The following NPAS3 variants were observed in gnomAD, a reference collection of about 807,000 sequenced individuals.
NPAS3 encodes the protein neuronal PAS domain protein 3.
In NPAS3, 14 loss-of-function variants were observed where a neutral mutation model predicts 73.1. That is an observed-to-expected ratio of 0.19 (90% confidence interval 0.13 to 0.30). The LOEUF (loss-of-function observed/expected upper bound fraction) is 0.30, where lower values mean the gene tolerates loss of function less well. Among genes scored for constraint, NPAS3 ranks in the 10% least tolerant of loss-of-function variants. The pLI is 1.00. For synonymous variants in NPAS3, 620 were observed against 541.5 expected (o/e 1.14, Z -2.01); for missense variants, 1,096 against 1,250.0 (o/e 0.88, Z 1.86).
chr14:33,539,348 G>A (rs1180279924), intron 4 of NPAS3, among the ~76,000 whole-genome samples: 2 of 152,068 alleles, frequency 1.3e-5, no homozygotes, highest in Non-Finnish European at 2.9e-5. Context: ...AGAGGGAGGT[G>A]ATGTGGTCTC....
intron 6 of NPAS3, among the ~76,000 whole-genome samples, chr14:33,691,831 A>T (rs901475700): frequency 2.6e-5 from 4 of 152,114 alleles, no homozygotes; most frequent in Admixed American, 6.5e-5. Context: ...GGGCTTTAAA[A>T]TTTTTTTAAA....
At chr14:33,099,490 T>G (rs1206167566) in intron 2 of NPAS3, among the ~76,000 whole-genome samples, 1 of 152,120 alleles carries the variant, frequency 6.6e-6, no homozygotes, top group African/African-American at 2.4e-5. Flanking sequence ...AAAAAAAATG[T>G]AGTTTGAATG....
At chr14:33,796,879 G>C (rs74044750) in intron 10 of NPAS3, among the ~76,000 whole-genome samples, 1 of 152,156 alleles carries the variant, frequency 6.6e-6, no homozygotes, top group Non-Finnish European at 1.5e-5. Flanking sequence ...TACACCACAC[G>C]AGCAGATGAA....
intron 6 of NPAS3, among the ~76,000 whole-genome samples, chr14:33,725,317 A>G (rs1778516815): frequency 6.6e-6 from 1 of 152,110 alleles, no homozygotes; most frequent in Non-Finnish European, 1.5e-5. Context: ...ACCACATAGT[A>G]AGCTATGACT....
intron 5 of NPAS3, among the ~76,000 whole-genome samples, chr14:33,590,509 T>C (rs960640166): frequency 6.6e-6 from 1 of 152,120 alleles, no homozygotes; most frequent in South Asian, 2.1e-4. Flanking sequence ...AGAAGGATAA[T>C]AAAGGTGTCA....
chr14:33,118,135 T>C (rs1260094623), intron 2 of NPAS3, among the ~76,000 whole-genome samples: 2 of 151,994 alleles, frequency 1.3e-5, no homozygotes, highest in Non-Finnish European at 2.9e-5. Context: ...TGTCTTTTTT[T>C]CCTCTCTCTC....
intron 2 of NPAS3, among the ~76,000 whole-genome samples, chr14:33,088,250 C>T (rs1244242835): frequency 6.6e-6 from 1 of 151,216 alleles, no homozygotes; most frequent in Non-Finnish European, 1.5e-5. Context: ...ATCACCTCAC[C>T]CAGGAAGTGC....
intron 9 of NPAS3, among the ~76,000 whole-genome samples, chr14:33,790,274 T>C (rs1305694566): frequency 6.6e-6 from 1 of 152,232 alleles, no homozygotes; most frequent in Non-Finnish European, 1.5e-5. Context: ...GCAAAAGGAA[T>C]TTTATGAAAT....
At chr14:33,450,773 T>G (rs879125949) in intron 4 of NPAS3, among the ~76,000 whole-genome samples, 1 of 152,234 alleles carries the variant, frequency 6.6e-6, no homozygotes, top group Admixed American at 6.5e-5. Flanking sequence ...CTCGACTCTC[T>G]TCATCTATTG....
At chr14:33,324,819 A>G (rs1019154291) in intron 3 of NPAS3, among the ~76,000 whole-genome samples, 10 of 152,126 alleles carry the variant, frequency 6.6e-5, no homozygotes, top group Non-Finnish European at 1.5e-4. Context: ...CATCGTATTT[A>G]GAGTAATGAT....
chr14:33,278,504 TA>T (rs3058293), intron 3 of NPAS3, among the ~76,000 whole-genome samples: 193 of 139,566 alleles, frequency 1.4e-3, no homozygotes, highest in African/African-American at 2.3e-3. Context: ...AGAAGCCAAG[TA>T]AAAAAAAAAA....
At chr14:33,313,821 T>C (rs1221206030) in intron 3 of NPAS3, among the ~76,000 whole-genome samples, 1 of 152,030 alleles carries the variant, frequency 6.6e-6, no homozygotes. Context: ...AAAATAGCAA[T>C]CTCTATAATC....
At chr14:33,471,038 G>A (rs368266824) in intron 4 of NPAS3, among the ~76,000 whole-genome samples, 15 of 152,038 alleles carry the variant, frequency 9.9e-5, no homozygotes, top group East Asian at 3.9e-4. Context: ...AGAATTGCAC[G>A]TAGCCAGTTA....
chr14:33,208,508 A>G (rs971653490), intron 2 of NPAS3, among the ~76,000 whole-genome samples: 3 of 152,188 alleles, frequency 2.0e-5, no homozygotes, highest in Admixed American at 6.6e-5. Flanking sequence ...CACAAGTCAA[A>G]TGGGTCAGGA....
In NPAS3 at chr14:33,551,906, T is replaced by C. The variant is rs1595139029; in HGVS notation, c.469-8215T>C. Reference sequence around the variant, plus strand: ...AACCTGCAAGAGGTCTGGAGCTGGGTCATCCAGGGGTCCCCACTGTGTATT... The same window carrying C: ...AACCTGCAAGAGGTCTGGAGCTGGGCCATCCAGGGGTCCCCACTGTGTATT... On this transcript the variant is annotated intron_variant, in intron 4 of 11. Coordinates refer to ENST00000356141, the Ensembl canonical transcript of NPAS3. Among the ~76,000 whole-genome samples the C allele has an allele frequency of 4.6e-5, 7 of 152,224 alleles. No homozygotes were observed. In the South Asian group the frequency reaches 1.2e-3, roughly 27 times the overall value.
intron 4 of NPAS3, among the ~76,000 whole-genome samples, chr14:33,492,146 A>G (rs886503056): frequency 2.6e-5 from 4 of 152,162 alleles, no homozygotes; most frequent in African/African-American, 9.6e-5. Context: ...GCTGCCTTCA[A>G]TACAGATGTG....
chr14:33,048,244 T>C (rs2040577993), intron 1 of NPAS3, among the ~76,000 whole-genome samples: 1 of 152,230 alleles, frequency 6.6e-6, no homozygotes, highest in African/African-American at 2.4e-5. Context: ...ATGTAAGTTA[T>C]TCTTGCCCAG....
At chr14:33,749,580 A>G (rs1466159635) in intron 7 of NPAS3, among the ~76,000 whole-genome samples, 1 of 152,214 alleles carries the variant, frequency 6.6e-6, no homozygotes, top group African/African-American at 2.4e-5. Flanking sequence ...TCTTTTCTTT[A>G]TACTGAAATG....
chr14:33,231,761 T>C (rs535657829), intron 3 of NPAS3, among the ~76,000 whole-genome samples: 14 of 152,152 alleles, frequency 9.2e-5, no homozygotes, highest in Non-Finnish European at 1.2e-4. Context: ...GTGCAAAAGA[T>C]ATCTAAGTAA....
Sources: allele counts gnomAD v4.1 joint callset (sites outside exome capture counted in the v4.1 genomes callset), GRCh38; gene constraint gnomAD v4.1.1; transcripts MANE v1.5; gene names NCBI Gene and HGNC (gene_info 2026-07-23, HGNC 2026-07-21).